Variants in ANKRD55 observed in about 807,000 individuals in gnomAD.
ANKRD55 encodes ankyrin repeat domain-containing protein 55.
ANKRD55 carries 41 observed loss-of-function variants against 60.6 expected under a neutral mutation model. The observed-to-expected ratio is 0.68, with a 90% CI of 0.53 to 0.88. The LOEUF (loss-of-function observed/expected upper bound fraction) is 0.88. Ranked by LOEUF, ANKRD55 falls within the 40% of genes least tolerant of loss-of-function variation. ANKRD55 has a pLI of 0.00. For synonymous variants in ANKRD55, 264 were observed against 290.3 expected, an observed-to-expected ratio of 0.91 and a Z score of 0.92; for missense variants, 732 against 767.6, an observed-to-expected ratio of 0.95 and a Z score of 0.55.
chr5:56,132,538 C>T (rs1757450912), intron 7 of ANKRD55, among the ~76,000 whole-genome samples: 2 of 143,914 alleles, frequency 1.4e-5, no homozygotes, highest in South Asian at 4.3e-4. Context: ...TTGCAGTGAG[C>T]AGAGATCGCG....
At chr5:56,159,476 A>C (rs1045456568) in intron 6 of ANKRD55, among the ~76,000 whole-genome samples, 164 of 151,894 alleles carry the variant, frequency 1.1e-3, no homozygotes, top group African/African-American at 3.5e-3. Context: ...AAAAAAAAAG[A>C]GAGCACGTCT....
chr5:56,122,768 T>C (rs1474193544), intron 8 of ANKRD55, among the ~76,000 whole-genome samples: 2 of 151,460 alleles, frequency 1.3e-5, no homozygotes, highest in African/African-American at 4.9e-5. Flanking sequence ...AAAGGGCAAG[T>C]TGACATTCCT....
At chr5:56,107,880 T>TG (rs1158102640) in intron 10 of ANKRD55, among the ~76,000 whole-genome samples, 5 of 152,012 alleles carry the variant, frequency 3.3e-5, no homozygotes, top group African/African-American at 9.7e-5. Context: ...AACTTTTTTT[T>TG]TTTTTTTGAG....
intron 2 of ANKRD55, among the ~76,000 whole-genome samples, chr5:56,197,458 G>T (rs1004277819): frequency 6.6e-6 from 1 of 152,120 alleles, no homozygotes; most frequent in African/African-American, 2.4e-5. Context: ...GCACTTTTCT[G>T]CCAATTCATT....
Position 56,183,569 on chromosome 5 carries a change from C to A in ANKRD55, c.124G>T (p.Ala42Ser). Reference protein sequence around the residue: ...YQAASNGDVNALTAVIREDPS... With the variant: ...YQAASNGDVNSLTAVIREDPS... ...TCTTCCCGAATCACTGCAGTCAGAG[C>A]ATTGACATCTCCATTAGAGGCTGCT... The change falls in exon 3 of 12, where the codon GCT (alanine) becomes TCT (serine). Residue 42 changes from alanine (A) to serine (S), a missense_variant. Ala to Ser is a moderately conservative substitution (Grantham distance 99). Coordinates refer to ENST00000341048, the MANE Select transcript of ANKRD55 (RefSeq NM_024669.3). 1 of 1,614,226 alleles carries A rather than the reference C, an allele frequency of 6.2e-7. No homozygotes were observed. The highest frequency in any genetic ancestry group is 8.5e-7 in the Non-Finnish European group (1 of 1,180,034).
intron 7 of ANKRD55, among the ~76,000 whole-genome samples, chr5:56,136,473 CAA>C (rs1391628391): frequency 1.3e-5 from 2 of 152,236 alleles, no homozygotes; most frequent in South Asian, 2.1e-4. Flanking sequence ...TGATATTTGA[CAA>C]AAGAGTAAAA....
intron 2 of ANKRD55, among the ~76,000 whole-genome samples, chr5:56,184,914 G>A (rs539446719): frequency 2.6e-5 from 4 of 151,590 alleles, no homozygotes; most frequent in African/African-American, 2.4e-5. Flanking sequence ...AAAGAAAGGC[G>A]ACAACAGAAC....
chr5:56,192,745 T>C (rs756907922), intron 2 of ANKRD55: 5 of 1,311,294 alleles, frequency 3.8e-6, no homozygotes, highest in Non-Finnish European at 5.4e-6. Context: ...TGAACTTCAA[T>C]GCAGATTCTA....
intron 6 of ANKRD55, among the ~76,000 whole-genome samples, chr5:56,155,141 T>C (rs1012540024): frequency 6.6e-6 from 1 of 151,244 alleles, no homozygotes; most frequent in Non-Finnish European, 1.5e-5. Flanking sequence ...CCATCTACTC[T>C]GGAGGCTGAG....
chr5:56,232,926 T>A lies in ANKRD55; in HGVS notation c.-13A>T, dbSNP rs1342164684. The A allele has an allele frequency of 6.2e-7, 1 of 1,613,886 alleles. No individual in the cohort carries two copies. ...CCTGTCTCATCATTTACCATCAGAA[T>A]GGCAAAAAGCATCCAGGTCTCTAGA... On this transcript the variant is annotated 5_prime_UTR_variant, in exon 2 of 12. Transcript: ENST00000341048.
At chr5:56,109,533 G>T (rs1756604817) in intron 10 of ANKRD55, among the ~76,000 whole-genome samples, 1 of 151,094 alleles carries the variant, frequency 6.6e-6, no homozygotes, top group African/African-American at 2.4e-5. Context: ...ATCACCTGTG[G>T]ATCTTTTTTT....
intron 2 of ANKRD55, among the ~76,000 whole-genome samples, chr5:56,187,143 G>C (rs1016460696): frequency 3.9e-5 from 6 of 152,166 alleles, no homozygotes; most frequent in African/African-American, 1.4e-4. Flanking sequence ...GTATTTAATA[G>C]AGCTAAAGGT....
rs1180375028 is a variant in ANKRD55 at position 56,133,434 on chromosome 5, G to A, written c.613-6328C>T. Reference sequence around the variant, plus strand: ...AGCCTGGGTGACAGAGGAAGACTCCGTCTCAAAAAAAAAAAAAAACAATTA... The same window carrying A: ...AGCCTGGGTGACAGAGGAAGACTCCATCTCAAAAAAAAAAAAAAACAATTA... On this transcript the variant is annotated intron_variant, in intron 7 of 11. Coordinates refer to ENST00000341048, the MANE Select transcript of ANKRD55 (RefSeq NM_024669.3). 1.3e-4 allele frequency among the ~76,000 whole-genome samples: 4 copies of A among 31,034 alleles called. 1 individual carries two copies. The highest frequency in any genetic ancestry group is 2.9e-4 in the Admixed American group (1 of 3,452). 20.4% of individuals were successfully genotyped at this position (31,034 alleles called of 152,430 possible). A position where few individuals can be genotyped will look rare whatever the true frequency, so the allele number is the denominator to read the frequency against.
intron 3 of ANKRD55, among the ~76,000 whole-genome samples, chr5:56,180,968 G>A (rs1758837624): frequency 6.6e-6 from 1 of 152,210 alleles, no homozygotes; most frequent in Non-Finnish European, 1.5e-5. Flanking sequence ...GGAGGCCAAG[G>A]TGGGAGGATC....
intron 6 of ANKRD55, among the ~76,000 whole-genome samples, chr5:56,148,892 G>A (rs1016804658): frequency 3.3e-5 from 5 of 152,076 alleles, no homozygotes; most frequent in African/African-American, 1.2e-4. Flanking sequence ...TGCTGGCTGA[G>A]AGGTCAGTAA....
chr5:56,119,010 T>A (rs1171757718), intron 8 of ANKRD55, among the ~76,000 whole-genome samples: 2 of 152,180 alleles, frequency 1.3e-5, no homozygotes. Context: ...GGAAAATAAT[T>A]TAGCAGTTCC....
intron 2 of ANKRD55, among the ~76,000 whole-genome samples, chr5:56,218,728 G>T (rs893774420): frequency 6.6e-6 from 1 of 151,858 alleles, no homozygotes; most frequent in Non-Finnish European, 1.5e-5. Context: ...ACCTGTATTA[G>T]GTCAATAGAC....
rs1757130997 is a variant in ANKRD55 at position 56,123,207 on chromosome 5, C to G, written c.797+3715G>C. 2.6e-5 allele frequency among the ~76,000 whole-genome samples: 4 copies of G among 152,214 alleles called. No homozygotes were observed. The South Asian group carries it at 8.3e-4, about 32-fold the overall frequency. On this transcript the variant is annotated intron_variant, in intron 8 of 11. Transcript: ENST00000341048. ...GGCCTGAACCTTGGGCAGAAGGGCA[C>G]TTCTGAGAGGGCCAGGTGGTCTCTC...
chr5:56,197,765 A>T (rs1041237004), intron 2 of ANKRD55, among the ~76,000 whole-genome samples: 1 of 152,198 alleles, frequency 6.6e-6, no homozygotes, highest in Non-Finnish European at 1.5e-5. Context: ...CTGTAATGAG[A>T]TACGAAAATA....
Sources: gnomAD v4.1 joint callset for allele counts (sites outside exome capture counted in the v4.1 genomes callset) on GRCh38, gnomAD v4.1.1 for gene constraint, MANE v1.5 for transcripts, NCBI Gene and HGNC (gene_info 2026-07-23, HGNC 2026-07-21) for gene names.